KIAA1217: variants seen among roughly 807,000 people sequenced by gnomAD.
The protein encoded by KIAA1217 is sickle tail protein homolog.
Under a neutral mutation model 163.9 loss-of-function variants are expected in KIAA1217, and 88 were observed. The observed-to-expected ratio is 0.54, with a 90% CI of 0.45 to 0.64. The LOEUF (loss-of-function observed/expected upper bound fraction) is 0.64, where lower values mean the gene tolerates loss of function less well. Ranked by LOEUF, KIAA1217 falls within the 30% of genes least tolerant of loss-of-function variation. The pLI, the probability that KIAA1217 is intolerant of heterozygous loss-of-function variation, is 0.00. For missense variants in KIAA1217, 2,372 were observed against 2,475.0 expected (o/e 0.96, Z 0.88); for synonymous variants, 903 against 923.1 (o/e 0.98, Z 0.39).
At chr10:24,322,501 A>G (rs190154489) in intron 2 of KIAA1217, among the ~76,000 whole-genome samples, 76 of 152,332 alleles carry the variant, frequency 5.0e-4, no homozygotes, top group Admixed American at 4.2e-3. Flanking sequence ...GACCCTGTAC[A>G]TGAACTTGGC....
chr10:23,927,660 T>C (rs182289235), intron 1 of KIAA1217, among the ~76,000 whole-genome samples: 2 of 152,278 alleles, frequency 1.3e-5, no homozygotes. Flanking sequence ...ATGAGATTTA[T>C]AAACCCTCTG....
chr10:24,062,783 C>G (rs536548717), intron 2 of KIAA1217, among the ~76,000 whole-genome samples: 111 of 152,286 alleles, frequency 7.3e-4, no homozygotes, highest in Middle Eastern at 6.8e-3. Context: ...TATTTCTCCA[C>G]ATCCTCTCCA....
At position 23,695,848 on chromosome 10, in the gene KIAA1217, G is replaced by A. The variant is rs1226428469; in HGVS notation, c.-321+614G>A. Reference sequence around the variant, plus strand: ...CGAATGTGACGCTTAGGGTCGCTACGGTTGATGTTGGGCGCCTTTGGAAGC... The same window carrying A: ...CGAATGTGACGCTTAGGGTCGCTACAGTTGATGTTGGGCGCCTTTGGAAGC... On this transcript the variant is annotated intron_variant, in intron 1 of 18. Coordinates refer to the KIAA1217 transcript ENST00000376462. This position sits in a 1 kb window ranked among gnomAD's most constrained non-coding sequence, Gnocchi z 4.9. Among the ~76,000 whole-genome samples, 1 of 152,204 alleles carries A rather than the reference G, an allele frequency of 6.6e-6. No individual in the cohort carries two copies. Among genetic ancestry groups the A allele is most frequent in the African/African-American group, 2.4e-5 (1 of 41,466 alleles).
chr10:24,064,748 T>C (rs904476700), intron 2 of KIAA1217, among the ~76,000 whole-genome samples: 2 of 152,222 alleles, frequency 1.3e-5, no homozygotes, highest in Admixed American at 6.5e-5. Flanking sequence ...CTGGTAGAAT[T>C]TGGCTGTGAA....
At chr10:24,392,542 C>G (rs1468082039) in intron 3 of KIAA1217, among the ~76,000 whole-genome samples, 1 of 152,166 alleles carries the variant, frequency 6.6e-6, no homozygotes, top group Non-Finnish European at 1.5e-5. Context: ...TATTAGTTGT[C>G]TTAGCAGGTT....
chr10:24,480,845 C>A (rs1409478180), intron 6 of KIAA1217, among the ~76,000 whole-genome samples: 2 of 152,094 alleles, frequency 1.3e-5, no homozygotes, highest in Non-Finnish European at 2.9e-5. Context: ...GCTTACAGAT[C>A]CAAATTAGAA....
At chr10:24,465,135 T>A (rs2062809907) in intron 5 of KIAA1217, among the ~76,000 whole-genome samples, 1 of 152,108 alleles carries the variant, frequency 6.6e-6, no homozygotes, top group African/African-American at 2.4e-5. Context: ...ACCAGATTCA[T>A]CAGAAGCTGA....
rs1808293126 is a variant in KIAA1217, at chr10:23,695,567, GC to G, written c.-321+339del. ...ACACCTATCCTGGTGACCTTGGCGT[GC>G]CCCCCTGGAGTGGCGAGCCAGGGGC... On this transcript the variant is annotated intron_variant, in intron 1 of 18. Coordinates refer to the KIAA1217 transcript ENST00000376462. The surrounding 1 kb of genome is among the most constrained non-coding windows in gnomAD (Gnocchi z 4.9). Among the ~76,000 whole-genome samples, 2 of 152,230 alleles carry G rather than the reference GC, an allele frequency of 1.3e-5. No homozygotes were observed. The highest frequency in any genetic ancestry group is 2.1e-4 in the South Asian group (1 of 4,822).
chr10:23,856,787 A>T (rs1392762238), intron 1 of KIAA1217, among the ~76,000 whole-genome samples: 3 of 152,204 alleles, frequency 2.0e-5, no homozygotes, highest in Admixed American at 6.5e-5. Flanking sequence ...AATCAGCGAG[A>T]TTCTGTGGGC....
In KIAA1217 at chr10:23,927,839, C is replaced by T. The variant is rs143381629; in HGVS notation, c.-320-79386C>T. On this transcript the variant is annotated intron_variant, in intron 1 of 18. Coordinates refer to the KIAA1217 transcript ENST00000376462. Reference sequence around the variant, plus strand: ...TTCAGGCTTACTTCTGAAACTAGTGCGCGATAAACCAAATGTCACATTGAA... The same window carrying T: ...TTCAGGCTTACTTCTGAAACTAGTGTGCGATAAACCAAATGTCACATTGAA... Among the ~76,000 whole-genome samples, 39 of 152,166 alleles carry T rather than the reference C, an allele frequency of 2.6e-4. No individual in the cohort carries two copies. The East Asian group carries it at 4.1e-3, about 16-fold the overall frequency.
At chr10:23,999,311 A>T (rs1267113743) in intron 1 of KIAA1217, among the ~76,000 whole-genome samples, 1 of 152,088 alleles carries the variant, frequency 6.6e-6, no homozygotes. Context: ...GGGATAGGAG[A>T]CAGAGAACTC....
chr10:24,311,745 G>T (rs1040251729), intron 2 of KIAA1217, among the ~76,000 whole-genome samples: 10 of 152,140 alleles, frequency 6.6e-5, no homozygotes, highest in East Asian at 5.8e-4. Context: ...TTTGTCATCT[G>T]GGGGGACAAA....
At chr10:23,930,644 T>C (rs1396770353) in intron 1 of KIAA1217, among the ~76,000 whole-genome samples, 2 of 152,234 alleles carry the variant, frequency 1.3e-5, no homozygotes, top group African/African-American at 4.8e-5. Context: ...AAGTGAGTTA[T>C]TTACAATTTG....
chr10:24,038,021 A>G (rs1051062316), intron 2 of KIAA1217, among the ~76,000 whole-genome samples: 1 of 152,228 alleles, frequency 6.6e-6, no homozygotes, highest in Non-Finnish European at 1.5e-5. Flanking sequence ...ATAGAAACAA[A>G]TTAATAAAAC....
At chr10:24,498,901 C>T (rs2067156286) in intron 8 of KIAA1217, among the ~76,000 whole-genome samples, 2 of 152,184 alleles carry the variant, frequency 1.3e-5, no homozygotes, top group South Asian at 4.1e-4. Context: ...TCAGCCTTTT[C>T]CTCCATGGAA....
chr10:24,239,305 A>T, intron 2 of KIAA1217: 1 of 985,316 alleles, frequency 1.0e-6, no homozygotes, highest in Non-Finnish European at 1.2e-6. Context: ...TTCTGCTTTA[A>T]CTGCCGCCTC....
At chr10:24,039,462 C>G (rs1447690228) in intron 2 of KIAA1217, among the ~76,000 whole-genome samples, 1 of 152,102 alleles carries the variant, frequency 6.6e-6, no homozygotes, top group Non-Finnish European at 1.5e-5. Context: ...CAGCAGTGAG[C>G]CACACCCCCT....
chr10:24,228,735 G>C (rs946097475), intron 2 of KIAA1217, among the ~76,000 whole-genome samples: 4 of 152,122 alleles, frequency 2.6e-5, no homozygotes, highest in African/African-American at 9.7e-5. Context: ...TTTGGCTGTG[G>C]AATCTAGCTT....
At chr10:24,380,776 A>T in intron 2 of KIAA1217, 93 bp from the exon 3 acceptor site, 1 of 991,030 alleles carries the variant, frequency 1.0e-6, no homozygotes, top group Non-Finnish European at 1.4e-6. Flanking sequence ...TTGCCATATT[A>T]TTTTTCCAGA....
Sources: allele counts gnomAD v4.1 joint callset (sites outside exome capture counted in the v4.1 genomes callset), GRCh38; gene constraint gnomAD v4.1.1; non-coding constraint Gnocchi (gnomAD v3.1); transcripts MANE v1.5; gene names NCBI Gene and HGNC (gene_info 2026-07-23, HGNC 2026-07-21).